EPHA3: variants seen among roughly 807,000 people sequenced by gnomAD.
EPHA3 encodes the protein EPH receptor A3, also known as ephrin type-A receptor 3.
Under a neutral mutation model 107.1 loss-of-function variants are expected in EPHA3, and 42 were observed. The ratio of observed to expected loss-of-function variants is 0.39; its 90% CI spans 0.31 to 0.51. The LOEUF is 0.51. Among genes scored for constraint, EPHA3 ranks in the 20% least tolerant of loss-of-function variants. EPHA3 has a pLI of 0.78. For synonymous variants in EPHA3, 461 were observed against 424.8 expected, an observed-to-expected ratio of 1.09 and a Z score of -1.05; for missense variants, 1,183 against 1,211.2, an observed-to-expected ratio of 0.98 and a Z score of 0.35.
At chr3:89,276,366 C>A (rs367943545) in intron 3 of EPHA3, among the ~76,000 whole-genome samples, 4 of 151,996 alleles carry the variant, frequency 2.6e-5, no homozygotes, top group African/African-American at 9.7e-5. Context: ...AATTATTGAT[C>A]AAACCTGTCA....
At chr3:89,318,588 C>T (rs547514486) in intron 3 of EPHA3, among the ~76,000 whole-genome samples, 13 of 151,852 alleles carry the variant, frequency 8.6e-5, no homozygotes, top group East Asian at 1.9e-4. Flanking sequence ...GTCAGACGGC[C>T]GGCCAGCTTG....
intron 3 of EPHA3, among the ~76,000 whole-genome samples, chr3:89,323,651 T>C (rs1206330023): frequency 2.0e-5 from 3 of 152,096 alleles, no homozygotes; most frequent in Non-Finnish European, 2.9e-5. Context: ...TGAAGACAAG[T>C]ATCTGGTTCA....
At chr3:89,329,867 C>A (rs1184953482) in intron 3 of EPHA3, among the ~76,000 whole-genome samples, 1 of 151,824 alleles carries the variant, frequency 6.6e-6, no homozygotes, top group African/African-American at 2.4e-5. Context: ...TTCTGACATA[C>A]AAATGTCAGT....
intron 5 of EPHA3, among the ~76,000 whole-genome samples, chr3:89,355,805 A>C (rs1210644295): frequency 1.3e-5 from 2 of 149,494 alleles, no homozygotes; most frequent in African/African-American, 4.9e-5. Context: ...TTTTTAATTA[A>C]AAATGTGAAT....
intron 5 of EPHA3, among the ~76,000 whole-genome samples, chr3:89,347,431 A>T (rs985791961): frequency 2.7e-5 from 4 of 149,702 alleles, no homozygotes; most frequent in Non-Finnish European, 6.0e-5. Context: ...TTGTTGGTGT[A>T]TAAGAATGCT....
At chr3:89,265,546 A>G (rs1282858560) in intron 3 of EPHA3, among the ~76,000 whole-genome samples, 1 of 152,182 alleles carries the variant, frequency 6.6e-6, no homozygotes, top group Non-Finnish European at 1.5e-5. Flanking sequence ...GGCTTTTATT[A>G]TTTAAATTAA....
At chr3:89,240,620 A>G (rs1704872738) in intron 3 of EPHA3, among the ~76,000 whole-genome samples, 1 of 152,074 alleles carries the variant, frequency 6.6e-6, no homozygotes, top group Non-Finnish European at 1.5e-5. Flanking sequence ...TTATGCAGAT[A>G]GTACCCATTC....
chr3:89,475,247 T>C (rs1466970854), intron 16 of EPHA3, among the ~76,000 whole-genome samples: 1 of 152,222 alleles, frequency 6.6e-6, no homozygotes, highest in African/African-American at 2.4e-5. Flanking sequence ...ATTTTAGCTT[T>C]CTTTCGGGTT....
intron 2 of EPHA3, among the ~76,000 whole-genome samples, chr3:89,133,559 A>G (rs1210961658): frequency 6.6e-6 from 1 of 152,128 alleles, no homozygotes; most frequent in Non-Finnish European, 1.5e-5. Flanking sequence ...GGTTCTGGAG[A>G]TGCTTGAAGA....
At chr3:89,191,493 A>G (rs754070239) in intron 2 of EPHA3, among the ~76,000 whole-genome samples, 2 of 151,890 alleles carry the variant, frequency 1.3e-5, no homozygotes, top group Non-Finnish European at 2.9e-5. Context: ...TTTTTAGTAG[A>G]GACGGGGTTT....
At chr3:89,262,963 C>CTTTTTTT (rs532365863) in intron 3 of EPHA3, among the ~76,000 whole-genome samples, 2 of 97,486 alleles carry the variant, frequency 2.1e-5, no homozygotes, top group Non-Finnish European at 4.1e-5. Context: ...TTACAGCGCT[C>CTTTTTTT]TTTTTTTTTT....
intron 2 of EPHA3, among the ~76,000 whole-genome samples, chr3:89,141,608 T>G (rs1293856967): frequency 6.6e-6 from 1 of 151,602 alleles, no homozygotes; most frequent in Non-Finnish European, 1.5e-5. Flanking sequence ...GATCACACTT[T>G]AAGAACCAAT....
At chr3:89,401,099 C>G (rs1708953216) in intron 7 of EPHA3, among the ~76,000 whole-genome samples, 1 of 152,138 alleles carries the variant, frequency 6.6e-6, no homozygotes, top group African/African-American at 2.4e-5. Context: ...CTGATAAAAA[C>G]TTTCAGGATT....
rs374211029 is a variant in EPHA3 at position 89,127,241 on chromosome 3, G to T, written c.121G>T (p.Glu41Ter). 1 of 1,612,228 alleles carries T rather than the reference G, an allele frequency of 6.2e-7. No homozygotes were observed. The highest frequency in any genetic ancestry group is 1.7e-5 in the Admixed American group (1 of 59,928). The change falls in exon 2 of 17, where the codon GAG (glutamate) becomes TAG (stop). Residue 41 changes from glutamate (E) to a stop codon, truncating the protein, a stop_gained. Transcript: ENST00000336596. LOFTEE classifies it high-confidence loss of function. Reference protein sequence around the residue: ...NLLDSKTIQGELGWISYPSHG... With the variant: ...NLLDSKTIQG ...ACTGGATTCAAAAACAATTCAAGGG[G>T]AGCTGGGCTGGATCTCTTATCCATC...
intron 4 of EPHA3, 25 bp from the exon 5 acceptor site, chr3:89,341,730 T>A: frequency 6.4e-7 from 1 of 1,555,282 alleles, no homozygotes; most frequent in Non-Finnish European, 8.8e-7. Context: ...TGAGGCTCAT[T>A]AATCTTTGTT....
At chr3:89,108,480 G>T (rs1184564801) in intron 1 of EPHA3, among the ~76,000 whole-genome samples, 1 of 152,178 alleles carries the variant, frequency 6.6e-6, no homozygotes, top group Non-Finnish European at 1.5e-5. Context: ...GCTTAGGTTG[G>T]ATTCTCTTTG....
intron 11 of EPHA3, among the ~76,000 whole-genome samples, chr3:89,423,529 T>TA (rs1167540841): frequency 2.4e-4 from 37 of 151,400 alleles, no homozygotes; most frequent in Non-Finnish European, 4.4e-5. Context: ...TTTACAGAGA[T>TA]AGTTTGTTAG....
intron 2 of EPHA3, among the ~76,000 whole-genome samples, chr3:89,198,470 C>A (rs937005515): frequency 1.3e-5 from 2 of 149,448 alleles, no homozygotes; most frequent in African/African-American, 5.0e-5. Context: ...CAGGTTAGAC[C>A]CTTAAATCTA....
At chr3:89,475,358 A>G (rs1388984176) in intron 16 of EPHA3, among the ~76,000 whole-genome samples, 1 of 152,162 alleles carries the variant, frequency 6.6e-6, no homozygotes, top group Non-Finnish European at 1.5e-5. Context: ...AACTGTGGAG[A>G]TCCTCCTAGA....
Sources: gnomAD v4.1 joint callset for allele counts (sites outside exome capture counted in the v4.1 genomes callset) on GRCh38, gnomAD v4.1.1 for gene constraint, MANE v1.5 for transcripts, NCBI Gene and HGNC (gene_info 2026-07-23, HGNC 2026-07-21) for gene names.